The following KIF16B variants were observed in gnomAD, a reference collection of about 807,000 sequenced individuals.
The protein encoded by KIF16B is kinesin-like protein KIF16B.
Under a neutral mutation model 156.3 loss-of-function variants are expected in KIF16B, and 98 were observed. That is an observed-to-expected ratio of 0.63 (90% CI 0.53 to 0.74). The LOEUF (loss-of-function observed/expected upper bound fraction) is 0.74. Ranked by LOEUF, KIF16B falls within the 30% of genes least tolerant of loss-of-function variation. The probability of loss-of-function intolerance (pLI) is 0.00; values close to 1 mark genes in which losing one functional copy is unlikely to be tolerated. For synonymous variants in KIF16B, 564 were observed against 583.7 expected (o/e 0.97, Z 0.49); for missense variants, 1,421 against 1,606.5 (o/e 0.88, Z 1.97).
intron 23 of KIF16B, among the ~76,000 whole-genome samples, chr20:16,345,462 T>C (rs2064215232): frequency 6.6e-6 from 1 of 152,246 alleles, no homozygotes; most frequent in Admixed American, 6.5e-5. Context: ...ACCTGCATTA[T>C]AGTCCTTTTC....
At chr20:16,450,775 C>A (rs2067058974) in intron 12 of KIF16B, among the ~76,000 whole-genome samples, 1 of 152,124 alleles carries the variant, frequency 6.6e-6, no homozygotes, top group African/African-American at 2.4e-5. Context: ...AGAAGAGATG[C>A]TCAACAGCAA....
intron 17 of KIF16B, among the ~76,000 whole-genome samples, chr20:16,386,606 G>C (rs1393842495): frequency 6.6e-6 from 1 of 151,740 alleles, no homozygotes; most frequent in Non-Finnish European, 1.5e-5. Flanking sequence ...ATAGACTTGT[G>C]CCTATTTAAA....
chr20:16,513,356 G>A (rs1452034346), intron 4 of KIF16B, among the ~76,000 whole-genome samples: 2 of 152,054 alleles, frequency 1.3e-5, no homozygotes, highest in South Asian at 4.1e-4. Context: ...TAGGTAACAA[G>A]ACCACATTAA....
At chr20:16,277,580 G>C (rs6080199) in intron 25 of KIF16B, among the ~76,000 whole-genome samples, 21,539 of 151,590 alleles carry the variant, frequency 0.14, 1,683 homozygotes, top group African/African-American at 0.18. Context: ...GTGGCTGAAG[G>C]GAGAAAATTA....
intron 1 of KIF16B, among the ~76,000 whole-genome samples, chr20:16,545,174 C>T (rs907129554): frequency 4.6e-5 from 7 of 152,094 alleles, no homozygotes; most frequent in Non-Finnish European, 1.0e-4. Context: ...TACGGCTGTG[C>T]ACGTGGCCAA....
At chr20:16,346,229 C>T (rs1192652399) in intron 23 of KIF16B, among the ~76,000 whole-genome samples, 1 of 152,226 alleles carries the variant, frequency 6.6e-6, no homozygotes, top group African/African-American at 2.4e-5. Flanking sequence ...GTTCTAAAGA[C>T]AGCACATTGC....
At chr20:16,552,192 A>G (rs2070693494) in intron 1 of KIF16B, among the ~76,000 whole-genome samples, 2 of 152,134 alleles carry the variant, frequency 1.3e-5, no homozygotes, top group Non-Finnish European at 2.9e-5. Context: ...TGCATTTTCA[A>G]AGCTTGACAA....
intron 24 of KIF16B, among the ~76,000 whole-genome samples, chr20:16,321,539 T>G (rs975616332): frequency 6.6e-6 from 1 of 151,986 alleles, no homozygotes; most frequent in Non-Finnish European, 1.5e-5. Flanking sequence ...ATTCTATAAC[T>G]CAGATGCTGA....
chr20:16,399,943 C>T (rs563880776), intron 17 of KIF16B, among the ~76,000 whole-genome samples: 2 of 152,332 alleles, frequency 1.3e-5, no homozygotes, highest in South Asian at 4.1e-4. Flanking sequence ...AGGCCCTCAC[C>T]TCTAGGATCC....
chr20:16,317,946 G>C (rs558244330), intron 24 of KIF16B, among the ~76,000 whole-genome samples: 1 of 152,206 alleles, frequency 6.6e-6, no homozygotes, highest in East Asian at 1.9e-4. Flanking sequence ...GAGAGCAAGC[G>C]TTTGGCTTTA....
chr20:16,459,435 G>A (rs1051338940), intron 12 of KIF16B, among the ~76,000 whole-genome samples: 1 of 152,114 alleles, frequency 6.6e-6, no homozygotes, highest in African/African-American at 2.4e-5. Flanking sequence ...TTATATTCAA[G>A]GGCAATTTTC....
intron 12 of KIF16B, among the ~76,000 whole-genome samples, chr20:16,452,827 T>C (rs1239695006): frequency 7.2e-6 from 1 of 139,724 alleles, no homozygotes; most frequent in Admixed American, 7.5e-5. Flanking sequence ...AGAGTGAGAC[T>C]CCGTCTCAAA....
chr20:16,479,593 G>C, intron 12 of KIF16B, among the ~76,000 whole-genome samples: 1 of 152,120 alleles, frequency 6.6e-6, no homozygotes, highest in East Asian at 1.9e-4. Context: ...GTTTCAGTCA[G>C]CAATGGACCA....
chr20:16,492,255 T>C (rs1190457928), intron 12 of KIF16B, among the ~76,000 whole-genome samples: 2 of 152,228 alleles, frequency 1.3e-5, no homozygotes, highest in Non-Finnish European at 2.9e-5. Flanking sequence ...TTCTAAAGAA[T>C]GTCTTCATAA....
intron 17 of KIF16B, among the ~76,000 whole-genome samples, chr20:16,392,581 G>A (rs2065393334): frequency 1.3e-5 from 2 of 152,196 alleles, no homozygotes; most frequent in Admixed American, 6.5e-5. Flanking sequence ...ACATGTGTAC[G>A]CCTCTGAGAT....
chr20:16,323,596 T>C (rs927653347), intron 24 of KIF16B, among the ~76,000 whole-genome samples: 14 of 151,966 alleles, frequency 9.2e-5, no homozygotes, highest in African/African-American at 3.1e-4. Flanking sequence ...AGCTGGATTA[T>C]GAAGGGAGTG....
intron 13 of KIF16B, among the ~76,000 whole-genome samples, chr20:16,429,535 CTG>C (rs2066444793): frequency 6.6e-6 from 1 of 152,136 alleles, no homozygotes; most frequent in South Asian, 2.1e-4. Flanking sequence ...GACCAGGAAA[CTG>C]TACATACAAC....
At chr20:16,368,777 A>T in intron 22 of KIF16B, 4 of 985,868 alleles carry the variant, frequency 4.1e-6, no homozygotes, top group Non-Finnish European at 4.8e-6. Flanking sequence ...AGAACCAAGC[A>T]GAGCACCTTG....
At chr20:16,500,397 T>C (rs1276980191) in intron 10 of KIF16B, among the ~76,000 whole-genome samples, 1 of 152,178 alleles carries the variant, frequency 6.6e-6, no homozygotes, top group Non-Finnish European at 1.5e-5. Flanking sequence ...AGTCTTTTGT[T>C]GCATGATCAG....
Sources: allele counts gnomAD v4.1 joint callset (sites outside exome capture counted in the v4.1 genomes callset), GRCh38; gene constraint gnomAD v4.1.1; transcripts MANE v1.5; gene names NCBI Gene and HGNC (gene_info 2026-07-23, HGNC 2026-07-21).